The following ATAD3B variants were observed in gnomAD, a reference collection of about 807,000 sequenced individuals.
The protein encoded by ATAD3B is ATPase family AAA domain-containing protein 3B.
In ATAD3B, 59 loss-of-function variants were observed where a neutral mutation model predicts 70.2. That is an observed-to-expected ratio of 0.84 (90% CI 0.68 to 1.04). The LOEUF (loss-of-function observed/expected upper bound fraction) is 1.04, where lower values mean the gene tolerates loss of function less well. Ranked by LOEUF, ATAD3B falls within the 50% of genes least tolerant of loss-of-function variation. ATAD3B has a pLI of 0.00. For missense variants in ATAD3B, 961 were observed against 913.4 expected (o/e 1.05, Z -0.67); for synonymous variants, 423 against 388.6 (o/e 1.09, Z -1.04).
intron 4 of ATAD3B, among the ~76,000 whole-genome samples, chr1:1,480,027 A>G (rs1166340241): frequency 2.1e-5 from 3 of 140,250 alleles, no homozygotes; most frequent in Non-Finnish European, 4.6e-5. Flanking sequence ...CACATACACA[A>G]CCCAGGCACA....
Position 1,496,360 on chromosome 1 carries a change from C to A in ATAD3B, c.*543C>A. The A allele has an allele frequency of 1.5e-6, 1 of 647,516 alleles. No individual in the cohort carries two copies. The highest frequency in any genetic ancestry group is 1.9e-6 in the Non-Finnish European group (1 of 520,792). The allele number at this position is 647,516 out of a possible 1,614,324, so 40.1% of individuals were successfully genotyped here. A position where few individuals can be genotyped will look rare whatever the true frequency, so the allele number is the denominator to read the frequency against. On this transcript the variant is annotated 3_prime_UTR_variant, in exon 16 of 16. Coordinates refer to ENST00000673477, the MANE Select transcript of ATAD3B (RefSeq NM_031921.6). ...CTTCACATCAGCCTCGCGCCACATC[C>A]GAGTTGGGGTCTGAATGCTGCCCGG...
chr1:1,489,617 GC>G (rs1039422145), intron 13 of ATAD3B: 1 of 1,303,244 alleles, frequency 7.7e-7, no homozygotes, highest in African/African-American at 1.5e-5. Flanking sequence ...AGGGTGACCG[GC>G]CCTATGTCCA....
the ATAD3B span, among the ~76,000 whole-genome samples, chr1:1,502,878 C>T: frequency 2.0e-5 from 3 of 151,232 alleles, no homozygotes; most frequent in South Asian, 2.1e-4. Context: ...TTTTCATTAT[C>T]CTTTGCTATT....
chr1:1,490,561 A>G lies in ATAD3B; in HGVS notation c.1506-2A>G. On this transcript the variant is annotated splice_acceptor_variant, in intron 14 of 15. Transcript: ENST00000673477. LOFTEE classifies it high-confidence loss of function. ...TGCCTCACTTGGGAACTCCTTCCCC[A>G]GGCGCCTGAAGCTGGCCCAGTTTGA... The G allele has an allele frequency of 6.2e-7, 1 of 1,610,618 alleles. No homozygotes were observed. Among genetic ancestry groups the G allele is most frequent in the Non-Finnish European group, 8.5e-7 (1 of 1,178,872 alleles).
At position 1,490,406 on chromosome 1, in the gene ATAD3B, C is replaced by CACGTGACATTTAGCTGTCACTTCTGGT; in HGVS notation, c.1487_1488insACGTGACATTTAGCTGTCACTTCTGGT (p.Pro496_Ala497insArgAspIleTer). 6.2e-7 allele frequency: 1 copy of CACGTGACATTTAGCTGTCACTTCTGGT among 1,613,430 alleles called. No individual in the cohort carries two copies. The highest frequency in any genetic ancestry group is 1.7e-5 in the Admixed American group (1 of 59,986). On this transcript the variant is annotated stop_gained and inframe_insertion, in exon 14 of 16. Coordinates refer to ENST00000673477, the MANE Select transcript of ATAD3B (RefSeq NM_031921.6). LOFTEE classifies it high-confidence loss of function. ...CATTTTGACAACTGTGTTCTTAAGC[C>CACGTGACATTTAGCTGTCACTTCTGGT]GGCCACAGAAGGAAAACGGTGAGTG...
In ATAD3B at chr1:1,495,692, G is replaced by A. The variant is rs748171138; in HGVS notation, c.1822G>A (p.Ala608Thr). Residue 608 changes from alanine (A) to threonine (T), a missense_variant, in exon 16 of 16, where the codon GCC becomes ACC. Coordinates refer to ENST00000673477, the MANE Select transcript of ATAD3B (RefSeq NM_031921.6). ...LATDPSYPCL[A>T]GPCTFRICSW... The stretch of plus-strand genomic sequence containing the variant: ...CACGGACCCCTCCTACCCCTGCCTT[G>A]CCGGCCCCTGCACATTTAGGATATG... 1.1e-5 allele frequency: 17 copies of A among 1,613,040 alleles called. No individual in the cohort carries two copies. Among genetic ancestry groups the A allele is most frequent in the Non-Finnish European group, 1.4e-5 (17 of 1,179,458 alleles).
At chr1:1,473,281 A>C (rs1639425843) in intron 1 of ATAD3B, among the ~76,000 whole-genome samples, 1 of 150,714 alleles carries the variant, frequency 6.6e-6, no homozygotes, top group Non-Finnish European at 1.5e-5. Context: ...CTGGGAGTAC[A>C]GGCGCCCGCC....
At chr1:1,475,558 A>G (rs568433865) in intron 1 of ATAD3B, among the ~76,000 whole-genome samples, 2 of 151,976 alleles carry the variant, frequency 1.3e-5, no homozygotes, top group African/African-American at 4.8e-5. Flanking sequence ...CTATAGCCCC[A>G]TGCCGCCTCG....
At position 1,479,966 on chromosome 1, in the gene ATAD3B, C is replaced by CCA. The variant is rs201368361; in HGVS notation, c.444+871_444+872dup. On this transcript the variant is annotated intron_variant, in intron 4 of 15. Transcript: ENST00000673477. ...CACCTGCACACACGGGCACACCCCA[C>CCA]CACACACACACACAGGCATGGACAC... 1.9e-4 allele frequency among the ~76,000 whole-genome samples: 27 copies of CCA among 142,224 alleles called. 2 individuals are homozygous for CCA. The highest frequency in any genetic ancestry group is 3.8e-3 in the Middle Eastern group (1 of 266). The allele number at this position is 142,224 out of a possible 152,430, so 93.3% of individuals were successfully genotyped here.
rs139902189 is a variant in ATAD3B, at chr1:1,495,605, C to T, written c.1735C>T (p.Arg579Cys). The T allele has an allele frequency of 0.063, 101,535 of 1,612,944 alleles. 5,249 individuals carry two copies. The highest frequency in any genetic ancestry group is 0.16 in the East Asian group (7,063 of 44,852). ...CTGGCTGAAGGCGGAGGGGCCTGGG[C>T]GCGGGGTCGAGCACCCCCTATCCGG... ...MRWLKAEGPG[R>C]GVEHPLSGVQ... Residue 579 changes from arginine (R) to cysteine (C), a missense_variant, in exon 16 of 16, where the codon CGC (arginine) becomes TGC (cysteine). This residue lies in a region of ATAD3B where 417 missense variants were observed against 335.0 expected (regional missense o/e 1.24). Transcript: ENST00000673477.
intron 7 of ATAD3B, chr1:1,484,668 G>C: frequency 3.4e-6 from 1 of 291,388 alleles, no homozygotes; most frequent in Non-Finnish European, 6.2e-6. Flanking sequence ...TGTTTTCCAG[G>C]AATAAAGTAC....
the ATAD3B span, among the ~76,000 whole-genome samples, chr1:1,507,120 A>G: frequency 3.9e-5 from 6 of 152,272 alleles, no homozygotes; most frequent in Admixed American, 3.3e-4. Flanking sequence ...ATATAAGATT[A>G]TATCATCTGA....
intron 2 of ATAD3B, among the ~76,000 whole-genome samples, 174 bp downstream of exon 2, chr1:1,477,524 C>T (rs1391959615): frequency 2.0e-5 from 3 of 151,750 alleles, no homozygotes; most frequent in Non-Finnish European, 4.4e-5. Flanking sequence ...AGGTGAGAGA[C>T]GCTGCCGCAG....
At chr1:1,498,659 C>A (rs540582593), downstream of ATAD3B, among the ~76,000 whole-genome samples, 1 of 151,558 alleles carries the variant, frequency 6.6e-6, no homozygotes, top group African/African-American at 2.4e-5. Flanking sequence ...CCTCCTGCCT[C>A]GGCCTCCCAA....
chr1:1,486,084 C>T lies in ATAD3B; in HGVS notation c.964-26C>T, dbSNP rs779084380. ...GGCTTCCGTGGGTGCAGAGTGTCTC[C>T]CCCAAACCCCCGTCTTCCCCGGCAG... On this transcript the variant is annotated intron_variant, in intron 9 of 15. Coordinates refer to ENST00000673477, the MANE Select transcript of ATAD3B (RefSeq NM_031921.6). 1.4e-5 allele frequency: 22 copies of T among 1,612,648 alleles called. No individual in the cohort carries two copies. In the South Asian group the frequency reaches 2.3e-4, roughly 17 times the overall value.
intron 11 of ATAD3B, among the ~76,000 whole-genome samples, chr1:1,487,298 C>G (rs1222451211): frequency 1.3e-5 from 2 of 151,812 alleles, no homozygotes; most frequent in Admixed American, 1.3e-4. Context: ...ACCATCCTGG[C>G]TAACTTGGTG....
intron 13 of ATAD3B, 133 bp from the exon 14 acceptor site, chr1:1,490,123 TG>T: frequency 6.9e-7 from 1 of 1,454,036 alleles, no homozygotes; most frequent in Non-Finnish European, 9.0e-7. Flanking sequence ...GTTCTCCCCA[TG>T]TTTCCTGTGC....
Position 1,495,636 on chromosome 1 carries a change from A to T in ATAD3B, c.1766A>T (p.Gln589Leu). Residue 589 changes from glutamine to leucine, a missense_variant, in exon 16 of 16, where the codon CAA (glutamine) becomes CTA (leucine). Gln to Leu is a moderately radical substitution (Grantham distance 113). Transcript: ENST00000673477. ...RGVEHPLSGV[Q>L]GETLTSWSLA... ...GTCGAGCACCCCCTATCCGGAGTCC[A>T]AGGCGAGACCCTCACCTCATGGAGC... 6.2e-7 allele frequency: 1 copy of T among 1,612,980 alleles called. No individual in the cohort carries two copies. The highest frequency in any genetic ancestry group is 2.2e-5 in the East Asian group (1 of 44,844).
At position 1,495,486 on chromosome 1, in the gene ATAD3B, C is replaced by T. The variant is rs775507150; in HGVS notation, c.1616C>T (p.Ala539Val). 6.2e-7 allele frequency: 1 copy of T among 1,601,258 alleles called. No individual in the cohort carries two copies. Among genetic ancestry groups the T allele is most frequent in the South Asian group, 1.1e-5 (1 of 89,822 alleles). Residue 539 changes from alanine to valine, a missense_variant and splice_region_variant, in exon 16 of 16, where the codon GCC becomes GTC. Coordinates refer to ENST00000673477, the MANE Select transcript of ATAD3B (RefSeq NM_031921.6). ...CTCAGCTCCCTCTCTCTTCACTAGG[C>T]CACGGCATATGCCTCCAAGGACGGG... ...EIAQLAVSWQ[A>V]TAYASKDGVL...
Sources: gnomAD v4.1 joint callset for allele counts (sites outside exome capture counted in the v4.1 genomes callset) on GRCh38, gnomAD v4.1.1 for gene constraint, gnomAD v4.1.1 regional missense constraint, MANE v1.5 for transcripts, NCBI Gene and HGNC (gene_info 2026-07-23, HGNC 2026-07-21) for gene names.